Variants in LHPP observed in about 807,000 individuals in gnomAD.
LHPP encodes hLHPP.
LHPP carries 24 observed loss-of-function variants against 30.3 expected under a neutral mutation model. The observed-to-expected ratio is 0.79, with a 90% confidence interval of 0.57 to 1.11. LHPP has a LOEUF of 1.11. Ranked by LOEUF, LHPP falls within the 50% of genes most tolerant of loss-of-function variation. LHPP has a pLI of 0.00. For synonymous variants in LHPP, 150 were observed against 157.1 expected (o/e 0.95, Z 0.34); for missense variants, 356 against 367.2 (o/e 0.97, Z 0.25).
chr10:124,470,926 C>T (rs1281870281), intron 1 of LHPP, among the ~76,000 whole-genome samples: 1 of 152,080 alleles, frequency 6.6e-6, no homozygotes, highest in Admixed American at 6.6e-5. Context: ...GGAGGTGAAG[C>T]ACTTTGTCTT....
chr10:124,488,529 G>A lies in LHPP; in HGVS notation c.421G>A (p.Val141Met). 2 of 1,613,786 alleles carry A rather than the reference G, an allele frequency of 1.2e-6. No homozygotes were observed. The highest frequency in any genetic ancestry group is 1.1e-5 in the South Asian group (1 of 91,044). Residue 141 changes from valine (V) to methionine (M), a missense_variant, in exon 3 of 7, where the codon GTG becomes ATG. Physicochemically the swap from Val to Met is conservative, Grantham distance 21. Coordinates refer to ENST00000368842, the MANE Select transcript of LHPP (RefSeq NM_022126.4). ...SYQNMNNAFQ[V>M]LMELEKPVLI... Reference sequence around the variant, plus strand: ...TCAAAACATGAATAACGCCTTCCAGGTGCTCATGGAGCTGGAAAAACCTGT... The same window carrying A: ...TCAAAACATGAATAACGCCTTCCAGATGCTCATGGAGCTGGAAAAACCTGT...
At position 124,484,390 on chromosome 10, in the gene LHPP, G is replaced by A. The variant is rs1232594646; in HGVS notation, c.313+64G>A. On this transcript the variant is annotated intron_variant, in intron 2 of 6. Coordinates refer to ENST00000368842, the MANE Select transcript of LHPP (RefSeq NM_022126.4). ...GCTCCCCTTTCCCAGGGTGGGGGCT[G>A]TGCAGAGAGCCTCTTTCACTGGGCC... 5.4e-6 allele frequency: 8 copies of A among 1,475,104 alleles called. No homozygotes were observed. The Admixed American group carries it at 7.3e-5, about 14-fold the overall frequency. 91.4% of individuals were successfully genotyped at this position (1,475,104 alleles called of 1,614,324 possible).
chr10:124,553,975 G>T, intron 6 of LHPP: 3 of 985,448 alleles, frequency 3.0e-6, no homozygotes, highest in Non-Finnish European at 3.6e-6. Context: ...CATGCTCTGG[G>T]AACTGGGCGC....
chr10:124,551,398 C>A (rs1948162744), intron 6 of LHPP, among the ~76,000 whole-genome samples: 1 of 152,184 alleles, frequency 6.6e-6, no homozygotes, highest in African/African-American at 2.4e-5. Context: ...TCACACTGAC[C>A]CCAGCACCCC....
chr10:124,489,085 G>C (rs1953431312), intron 3 of LHPP, among the ~76,000 whole-genome samples: 1 of 152,194 alleles, frequency 6.6e-6, no homozygotes, highest in African/African-American at 2.4e-5. Flanking sequence ...TGAGCCTTTA[G>C]CACATGCCTT....
intron 6 of LHPP, among the ~76,000 whole-genome samples, chr10:124,606,768 G>A (rs977864301): frequency 4.6e-5 from 7 of 152,196 alleles, no homozygotes; most frequent in African/African-American, 1.7e-4. Flanking sequence ...CCCACGGGGA[G>A]CCGTCAGCCA....
chr10:124,597,822 G>A (rs1392613523), intron 6 of LHPP, among the ~76,000 whole-genome samples: 1 of 152,196 alleles, frequency 6.6e-6, no homozygotes, highest in Non-Finnish European at 1.5e-5. Context: ...TGGGAGGGAC[G>A]GAGTCAGCTC....
intron 6 of LHPP, among the ~76,000 whole-genome samples, chr10:124,563,204 C>T (rs1948425171): frequency 6.6e-6 from 1 of 152,008 alleles, no homozygotes; most frequent in Non-Finnish European, 1.5e-5. Flanking sequence ...GATAATAGCC[C>T]CAAACTAGAA....
chr10:124,612,503 G>A (rs1020171097), intron 6 of LHPP, among the ~76,000 whole-genome samples: 2 of 152,102 alleles, frequency 1.3e-5, no homozygotes, highest in Non-Finnish European at 2.9e-5. Flanking sequence ...GTGTCTACCC[G>A]TAGCTCCTGC....
intron 6 of LHPP, among the ~76,000 whole-genome samples, chr10:124,522,724 C>CT (rs1554886527): frequency 1.4e-5 from 1 of 73,878 alleles, no homozygotes; most frequent in South Asian, 3.8e-4. Flanking sequence ...GCTGCCCACG[C>CT]CCCCCCCCAA....
intron 6 of LHPP, among the ~76,000 whole-genome samples, chr10:124,609,611 G>A (rs1949140642): frequency 6.6e-6 from 1 of 152,200 alleles, no homozygotes; most frequent in Non-Finnish European, 1.5e-5. Context: ...GTGAAGAATA[G>A]GATGTTAGCC....
chr10:124,481,373 CTT>C (rs34839158), intron 1 of LHPP, among the ~76,000 whole-genome samples: 31 of 85,006 alleles, frequency 3.6e-4, no homozygotes, highest in Admixed American at 6.2e-4. Context: ...TATCTGCCCC[CTT>C]TTTTTTTTTT....
chr10:124,486,381 G>T (rs1953326759), intron 2 of LHPP, among the ~76,000 whole-genome samples: 1 of 152,122 alleles, frequency 6.6e-6, no homozygotes. Context: ...TTGTGCTGGG[G>T]CCTCCAGTGC....
At chr10:124,545,094 C>G (rs1430038374) in intron 6 of LHPP, among the ~76,000 whole-genome samples, 5 of 152,148 alleles carry the variant, frequency 3.3e-5, no homozygotes, top group Non-Finnish European at 7.4e-5. Context: ...GGTGCCCCCG[C>G]CCCCAGAGCA....
chr10:124,574,887 C>G (rs970215094), intron 6 of LHPP, among the ~76,000 whole-genome samples: 18 of 152,120 alleles, frequency 1.2e-4, no homozygotes, highest in African/African-American at 4.3e-4. Flanking sequence ...CTTCTCCACT[C>G]TCTCCCCAGG....
chr10:124,533,291 C>T (rs1450404725), intron 6 of LHPP, among the ~76,000 whole-genome samples: 3 of 152,240 alleles, frequency 2.0e-5, no homozygotes, highest in Non-Finnish European at 4.4e-5. Context: ...GGACCATGTG[C>T]TCTGATTTGC....
rs548760283 is a variant in LHPP at position 124,589,832 on chromosome 10, C to T, written c.717-23432C>T. ...GCCCCTCTGGTTGGAAGGCCCCCTG[C>T]GTGCAGCCCCGTCCTCCAGCCCCGC... On this transcript the variant is annotated intron_variant, in intron 6 of 6. Coordinates refer to ENST00000368842, the MANE Select transcript of LHPP (RefSeq NM_022126.4). Among the ~76,000 whole-genome samples the T allele has an allele frequency of 4.6e-5, 7 of 152,314 alleles. No individual in the cohort carries two copies. The East Asian group carries it at 9.6e-4, about 21-fold the overall frequency.
intron 6 of LHPP, chr10:124,546,266 T>G (rs1193341501): frequency 6.6e-6 from 1 of 152,542 alleles, no homozygotes; most frequent in Non-Finnish European, 1.5e-5. Flanking sequence ...TGCTCTTTGC[T>G]GGGTGGCAGC....
At chr10:124,557,257 T>C (rs1948319300) in intron 6 of LHPP, among the ~76,000 whole-genome samples, 1 of 152,206 alleles carries the variant, frequency 6.6e-6, no homozygotes, top group South Asian at 2.1e-4. Flanking sequence ...GTGGTGTGGA[T>C]AGTTCTGAGT....
Sources: allele counts gnomAD v4.1 joint callset (sites outside exome capture counted in the v4.1 genomes callset), GRCh38; gene constraint gnomAD v4.1.1; transcripts MANE v1.5; gene names NCBI Gene and HGNC (gene_info 2026-07-23, HGNC 2026-07-21).